Variants in WASF3 observed in about 807,000 individuals in gnomAD.
WASF3 encodes WASP family member 3.
A neutral mutation model predicts 46.6 loss-of-function variants in WASF3; 11 were observed. The observed-to-expected ratio is 0.24, with a 90% confidence interval of 0.15 to 0.39. The LOEUF (loss-of-function observed/expected upper bound fraction) is 0.39. Ranked by LOEUF, WASF3 falls within the 10% of genes least tolerant of loss-of-function variation. The pLI, the probability that WASF3 is intolerant of heterozygous loss-of-function variation, is 1.00. For missense variants in WASF3, 576 were observed against 669.8 expected (o/e 0.86, Z 1.55); for synonymous variants, 242 against 259.7 (o/e 0.93, Z 0.65).
intron 3 of WASF3, among the ~76,000 whole-genome samples, chr13:26,654,873 A>C (rs1882421873): frequency 6.6e-6 from 1 of 152,184 alleles, no homozygotes; most frequent in Admixed American, 6.5e-5. Context: ...ATAGGAGAAA[A>C]AATAGGTTTA....
At chr13:26,577,578 A>C (rs1347494002) in intron 1 of WASF3, 1 of 1,144,286 alleles carries the variant, frequency 8.7e-7, no homozygotes, top group East Asian at 2.3e-5. Context: ...ATGGAGCTTC[A>C]TGGTGAAGGC....
chr13:26,644,095 C>A (rs948286038), intron 3 of WASF3, among the ~76,000 whole-genome samples: 7 of 152,076 alleles, frequency 4.6e-5, no homozygotes, highest in Non-Finnish European at 5.9e-5. Flanking sequence ...GCCAGGGTGA[C>A]GTGATGTGGG....
intron 1 of WASF3, among the ~76,000 whole-genome samples, chr13:26,597,023 A>G (rs1199315582): frequency 1.3e-5 from 2 of 152,178 alleles, no homozygotes; most frequent in African/African-American, 2.4e-5. Context: ...TAGTACATTT[A>G]TCATAGTTAT....
At chr13:26,675,842 A>G (rs1397358755) in intron 6 of WASF3, among the ~76,000 whole-genome samples, 3 of 152,220 alleles carry the variant, frequency 2.0e-5, no homozygotes, top group African/African-American at 4.8e-5. Flanking sequence ...AACGTAGGAA[A>G]TAAAGACACA....
At chr13:26,572,185 G>A (rs906969564) in intron 1 of WASF3, among the ~76,000 whole-genome samples, 6 of 152,050 alleles carry the variant, frequency 3.9e-5, no homozygotes, top group African/African-American at 1.4e-4. Flanking sequence ...ATTGTTTTCT[G>A]TTGTCTAATT....
At chr13:26,542,637 G>T in the WASF3 span, among the ~76,000 whole-genome samples, 2 of 152,206 alleles carry the variant, frequency 1.3e-5, no homozygotes, top group Non-Finnish European at 2.9e-5. Flanking sequence ...GTGAGAAGTG[G>T]TTAAAGTATT....
At chr13:26,646,997 C>G (rs533740477) in intron 3 of WASF3, among the ~76,000 whole-genome samples, 143 of 152,300 alleles carry the variant, frequency 9.4e-4, no homozygotes, top group African/African-American at 3.2e-3. Context: ...CTTTACATAA[C>G]TTTTAGGAAA....
At chr13:26,624,811 A>G (rs1285234514) in intron 2 of WASF3, among the ~76,000 whole-genome samples, 1 of 152,208 alleles carries the variant, frequency 6.6e-6, no homozygotes, top group Non-Finnish European at 1.5e-5. Context: ...AGACTATGAA[A>G]GTCATTAAGA....
chr13:26,576,804 T>C (rs559105159), intron 1 of WASF3: 22 of 417,806 alleles, frequency 5.3e-5, no homozygotes, highest in Non-Finnish European at 8.1e-5. Flanking sequence ...ATGTATTCTT[T>C]ACCCAGCTTC....
intron 2 of WASF3, among the ~76,000 whole-genome samples, chr13:26,625,359 G>A (rs1452651091): frequency 6.7e-6 from 1 of 148,840 alleles, no homozygotes; most frequent in East Asian, 1.9e-4. Context: ...GGGGACCCAG[G>A]AAAGCCAGTG....
At position 26,688,381 on chromosome 13, in the gene WASF3, C is replaced by G. The variant is rs576404374; in HGVS notation, c.*2536C>G. On this transcript the variant is annotated 3_prime_UTR_variant, in exon 10 of 10. Coordinates refer to ENST00000335327, the MANE Select transcript of WASF3 (RefSeq NM_006646.6). ...ATTGTAAGGTAATTTTAAATTGTCC[C>G]TCGTATTATTTCTCCACGTCTGTTT... 6.6e-6 allele frequency: 1 copy of G among 152,156 alleles called. No homozygotes were observed. Among genetic ancestry groups the G allele is most frequent in the African/African-American group, 2.4e-5 (1 of 41,502 alleles). 9.4% of individuals were successfully genotyped at this position (152,156 alleles called of 1,614,324 possible).
chr13:26,676,149 C>T (rs1302053894), intron 6 of WASF3, among the ~76,000 whole-genome samples: 2 of 152,090 alleles, frequency 1.3e-5, no homozygotes, highest in Admixed American at 6.5e-5. Context: ...GATAATTGTA[C>T]GTTAAGAAGT....
intron 2 of WASF3, among the ~76,000 whole-genome samples, chr13:26,616,649 A>T (rs1321991312): frequency 6.6e-6 from 1 of 151,896 alleles, no homozygotes; most frequent in Non-Finnish European, 1.5e-5. Flanking sequence ...AAAAGTAGTT[A>T]CTCTTTGTCA....
intron 2 of WASF3, among the ~76,000 whole-genome samples, chr13:26,628,414 T>C (rs1192565235): frequency 6.6e-6 from 1 of 152,210 alleles, no homozygotes; most frequent in Non-Finnish European, 1.5e-5. Flanking sequence ...CAGCAGGTGC[T>C]GCACATGTGT....
chr13:26,633,387 A>G (rs189575397), intron 2 of WASF3, among the ~76,000 whole-genome samples: 46 of 151,856 alleles, frequency 3.0e-4, no homozygotes, highest in African/African-American at 9.7e-4. Flanking sequence ...TATTTTTAGT[A>G]GAGGTGGGGT....
intron 1 of WASF3, among the ~76,000 whole-genome samples, chr13:26,611,767 G>T (rs1293804688): frequency 6.6e-6 from 1 of 152,074 alleles, no homozygotes; most frequent in East Asian, 1.9e-4. Flanking sequence ...GAAGAAAATT[G>T]TGTGCTGCTT....
In WASF3 at chr13:26,682,662, C is replaced by T. The variant is rs1469125711; in HGVS notation, c.1039C>T (p.Pro347Ser). ...YYNPSGPPPP[P>S]PPPVIPSAQT... is the part of the protein sequence containing the mutation. ...CAACCCATCCGGACCACCTCCTCCGCCACCTCCTCCTGTGATTCCCTCAGC... is the reference window on the plus strand; with the variant it reads ...CAACCCATCCGGACCACCTCCTCCGTCACCTCCTCCTGTGATTCCCTCAGC... The change falls in exon 9 of 10, where the codon CCA becomes TCA. Residue 347 changes from proline (P) to serine (S), a missense_variant. Around this residue, in one of 3 missense-constraint regions of WASF3, gnomAD observed 295 missense variants for 291.5 expected, o/e 1.01. Coordinates refer to ENST00000335327, the MANE Select transcript of WASF3 (RefSeq NM_006646.6). The surrounding 1 kb of genome is among the most constrained non-coding windows in gnomAD (Gnocchi z 4.4). 6.2e-7 allele frequency: 1 copy of T among 1,614,054 alleles called. No homozygotes were observed. The highest frequency in any genetic ancestry group is 8.5e-7 in the Non-Finnish European group (1 of 1,180,040).
In WASF3 at chr13:26,650,433, A is replaced by G. The variant is rs79716078; in HGVS notation, c.133+8030A>G. Among the ~76,000 whole-genome samples the G allele has an allele frequency of 7.0e-3, 1,060 of 152,330 alleles. 9 individuals carry two copies. Among genetic ancestry groups the G allele is most frequent in the African/African-American group, 0.024 (982 of 41,582 alleles). ...AAATTACAAAGCATACTAAAAGGCA[A>G]AAAACACAGTTTGAAGGTACAGAGC... is the stretch of plus-strand genomic sequence containing the variant. On this transcript the variant is annotated intron_variant, in intron 3 of 9. Coordinates refer to ENST00000335327, the MANE Select transcript of WASF3 (RefSeq NM_006646.6).
At chr13:26,651,761 A>G (rs1882322132) in intron 3 of WASF3, among the ~76,000 whole-genome samples, 1 of 152,224 alleles carries the variant, frequency 6.6e-6, no homozygotes, top group African/African-American at 2.4e-5. Flanking sequence ...ACTGTTTAAA[A>G]TTTATGGCAT....
Sources: allele counts gnomAD v4.1 joint callset (sites outside exome capture counted in the v4.1 genomes callset), GRCh38; gene constraint gnomAD v4.1.1; regional missense constraint gnomAD v4.1.1; non-coding constraint Gnocchi (gnomAD v3.1); transcripts MANE v1.5; gene names NCBI Gene and HGNC (gene_info 2026-07-23, HGNC 2026-07-21).